Variants in PCDHGA4 observed in about 807,000 individuals in gnomAD.
PCDHGA4 encodes the protein protocadherin gamma-A4.
Under a neutral mutation model 54.6 loss-of-function variants are expected in PCDHGA4, and 38 were observed. That is an observed-to-expected ratio of 0.70 (90% confidence interval 0.54 to 0.91). The LOEUF is 0.91. PCDHGA4 is among the 40% of genes least tolerant of loss of function. The pLI is 0.00. For synonymous variants in PCDHGA4, 511 were observed against 512.9 expected (o/e 1.00, Z 0.05); for missense variants, 1,298 against 1,220.9 (o/e 1.06, Z -0.94).
At chr5:141,408,978 C>A (rs1444971938) in intron 1 of PCDHGA4, 1 of 1,613,862 alleles carries the variant, frequency 6.2e-7, no homozygotes, top group African/African-American at 1.3e-5. Context: ...CCCCCTGGGT[C>A]CCCTGTGTTG....
chr5:141,494,661 G>A, intron 1 of PCDHGA4, 146 bp from the exon 2 acceptor site: 2 of 1,492,976 alleles, frequency 1.3e-6, no homozygotes, highest in Non-Finnish European at 1.8e-6. Context: ...TTTGTCTTTG[G>A]AGATGAGTCC....
intron 1 of PCDHGA4, chr5:141,421,518 TGA>T: frequency 6.2e-7 from 1 of 1,614,058 alleles, no homozygotes; most frequent in Non-Finnish European, 8.5e-7. Flanking sequence ...AGGAGCTCTG[TGA>T]GACGGTGTCC....
At position 141,489,193 on chromosome 5, in the gene PCDHGA4, G is replaced by A; in HGVS notation, c.2515-5614G>A. The A allele has an allele frequency of 2.2e-6, 3 of 1,369,230 alleles. No individual in the cohort carries two copies. Among genetic ancestry groups the A allele is most frequent in the Non-Finnish European group, 3.0e-6 (3 of 1,000,290 alleles). 84.8% of individuals were successfully genotyped at this position (1,369,230 alleles called of 1,614,324 possible). On this transcript the variant is annotated intron_variant, in intron 1 of 3. Coordinates refer to ENST00000571252, the MANE Select transcript of PCDHGA4 (RefSeq NM_018917.4). The surrounding 1 kb of genome is among the most constrained non-coding windows in gnomAD (Gnocchi z 4.5). ...GCATTCCAAGCCCTGGGTCTACCTT[G>A]GAGACAGGACAGCACAGACTTACTC...
intron 1 of PCDHGA4, among the ~76,000 whole-genome samples, chr5:141,455,125 A>G (rs952979433): frequency 3.5e-4 from 53 of 151,762 alleles, no homozygotes; most frequent in Non-Finnish European, 1.0e-4. Flanking sequence ...CTAATGTTTT[A>G]AATTACACTG....
chr5:141,399,362 C>T (rs182743080), intron 1 of PCDHGA4: 5 of 1,613,990 alleles, frequency 3.1e-6, no homozygotes, highest in East Asian at 2.2e-5. Context: ...GAGCAAACCC[C>T]GGAGTACAAT....
chr5:141,361,769 A>C, intron 1 of PCDHGA4: 1 of 1,613,144 alleles, frequency 6.2e-7, no homozygotes, highest in Non-Finnish European at 8.5e-7. Context: ...CTCAGCGCCA[A>C]CGTGAGCCTG....
chr5:141,384,370 T>G (rs769961814), intron 1 of PCDHGA4: 1 of 1,613,926 alleles, frequency 6.2e-7, no homozygotes, highest in South Asian at 1.1e-5. Context: ...CACTTATTCC[T>G]TGGCCGAAGA....
intron 1 of PCDHGA4, among the ~76,000 whole-genome samples, chr5:141,363,451 T>C (rs545023323): frequency 6.6e-6 from 1 of 152,378 alleles, no homozygotes; most frequent in Non-Finnish European, 1.5e-5. Context: ...TCAGTACTTC[T>C]CGACAAGTAT....
intron 1 of PCDHGA4, chr5:141,409,634 G>GGA (rs766487639): frequency 1.2e-6 from 2 of 1,613,720 alleles, no homozygotes; most frequent in African/African-American, 2.7e-5. Flanking sequence ...GAGCGCCTCT[G>GGA]ACCCGGATTT....
Position 141,384,065 on chromosome 5 carries a change from A to G in PCDHGA4, c.2514+26444A>G, listed in dbSNP as rs1209284047. ...GAGGTGACCTGCACCATTCCAGAAAACCTACCTTTTAAATTAGAAAAATCA... is the reference window on the plus strand; with the variant it reads ...GAGGTGACCTGCACCATTCCAGAAAGCCTACCTTTTAAATTAGAAAAATCA... On this transcript the variant is annotated intron_variant, in intron 1 of 3. Transcript: ENST00000571252. 2 of 1,607,382 alleles carry G rather than the reference A, an allele frequency of 1.2e-6. No individual in the cohort carries two copies. The highest frequency in any genetic ancestry group is 1.7e-5 in the Admixed American group (1 of 58,998).
rs1486791355 is a variant in PCDHGA4 at position 141,476,804 on chromosome 5, A to G, written c.2515-18003A>G. Reference sequence around the variant, plus strand: ...CCCAGCTCTCTCCGCCAGCCTGCCTATTCACATCAAGGTGCTGGACGCGAA... The same window carrying G: ...CCCAGCTCTCTCCGCCAGCCTGCCTGTTCACATCAAGGTGCTGGACGCGAA... On this transcript the variant is annotated intron_variant, in intron 1 of 3. Coordinates refer to ENST00000571252, the MANE Select transcript of PCDHGA4 (RefSeq NM_018917.4). The surrounding 1 kb of genome is among the most constrained non-coding windows in gnomAD (Gnocchi z 7.6). 5 of 1,613,476 alleles carry G rather than the reference A, an allele frequency of 3.1e-6. No individual in the cohort carries two copies. Among genetic ancestry groups the G allele is most frequent in the South Asian group, 2.2e-5 (2 of 91,080 alleles).
Position 141,491,067 on chromosome 5 carries a change from G to A in PCDHGA4, c.2515-3740G>A, listed in dbSNP as rs752758445. On this transcript the variant is annotated intron_variant, in intron 1 of 3. Coordinates refer to ENST00000571252, the MANE Select transcript of PCDHGA4 (RefSeq NM_018917.4). This position sits in a 1 kb window ranked among gnomAD's most constrained non-coding sequence, Gnocchi z 6.9. ...ACAATGCGTGGCTCTCCTACTCACT[G>A]TTGCCACAGTCCACAGCCCCAGGAC... is the stretch of plus-strand genomic sequence containing the variant. 6.2e-7 allele frequency: 1 copy of A among 1,614,200 alleles called. No individual in the cohort carries two copies. Among genetic ancestry groups the A allele is most frequent in the East Asian group, 2.2e-5 (1 of 44,892 alleles).
chr5:141,462,599 T>TGG (rs2099043404), intron 1 of PCDHGA4, among the ~76,000 whole-genome samples: 1 of 152,208 alleles, frequency 6.6e-6, no homozygotes, highest in African/African-American at 2.4e-5. Context: ...CCATTTCATA[T>TGG]ATTGTATTTT....
At chr5:141,365,447 G>C in intron 1 of PCDHGA4, 2 of 1,614,034 alleles carry the variant, frequency 1.2e-6, no homozygotes, top group Non-Finnish European at 1.7e-6. Flanking sequence ...TAGCGTACAT[G>C]ATGGTGATTC....
At chr5:141,380,618 G>A (rs531927290) in intron 1 of PCDHGA4, among the ~76,000 whole-genome samples, 15 of 152,210 alleles carry the variant, frequency 9.9e-5, no homozygotes, top group South Asian at 4.1e-4. Flanking sequence ...TATGATGTTC[G>A]ATAACTTAGA....
At chr5:141,366,046 C>T in intron 1 of PCDHGA4, 1 of 1,614,240 alleles carries the variant, frequency 6.2e-7, no homozygotes, top group Non-Finnish European at 8.5e-7. Context: ...CAGACGGTTC[C>T]ACGGGCGTGG....
rs780395794 is a variant in PCDHGA4, at chr5:141,489,685, G to A, written c.2515-5122G>A. ...GCGCATCTCAGAATCAGCAGCATCT[G>A]GGGCACGATTCCCACTGGACAGTGC... On this transcript the variant is annotated intron_variant, in intron 1 of 3. Coordinates refer to ENST00000571252, the MANE Select transcript of PCDHGA4 (RefSeq NM_018917.4). The surrounding 1 kb of genome is among the most constrained non-coding windows in gnomAD (Gnocchi z 4.5). 10 of 1,614,142 alleles carry A rather than the reference G, an allele frequency of 6.2e-6. No individual in the cohort carries two copies. The South Asian group carries it at 1.1e-4, about 18-fold the overall frequency.
intron 1 of PCDHGA4, chr5:141,374,159 G>C: frequency 6.2e-7 from 1 of 1,612,288 alleles, no homozygotes. Context: ...GCTGTGGGGG[G>C]CCGCGGCAGC....
At chr5:141,421,376 C>T in intron 1 of PCDHGA4, 2 of 1,614,030 alleles carry the variant, frequency 1.2e-6, no homozygotes, top group Non-Finnish European at 1.7e-6. Context: ...GGCAATATCT[C>T]CAAGGACCTG....
Sources: allele counts gnomAD v4.1 joint callset (sites outside exome capture counted in the v4.1 genomes callset), GRCh38; gene constraint gnomAD v4.1.1; non-coding constraint Gnocchi (gnomAD v3.1); transcripts MANE v1.5; gene names NCBI Gene and HGNC (gene_info 2026-07-23, HGNC 2026-07-21).